Variants in MSH5 observed in about 807,000 individuals in gnomAD.
The protein encoded by MSH5 is mutS protein homolog 5.
MSH5 carries 78 observed loss-of-function variants against 107.7 expected under a neutral mutation model. The ratio of observed to expected loss-of-function variants is 0.72; its 90% CI spans 0.60 to 0.87. MSH5 has a LOEUF of 0.87. MSH5 is among the 40% of genes least tolerant of loss of function. The pLI is 0.00. For missense variants in MSH5, 889 were observed against 1,046.6 expected, an observed-to-expected ratio of 0.85 and a Z score of 2.08; for synonymous variants, 326 against 399.5, an observed-to-expected ratio of 0.82 and a Z score of 2.19.
At position 31,759,403 on chromosome 6, in the gene MSH5, A is replaced by G. The variant is rs1810756718; in HGVS notation, c.1408-22A>G. On this transcript the variant is annotated intron_variant, in intron 16 of 24. Coordinates refer to ENST00000375750, the MANE Select transcript of MSH5 (RefSeq NM_172166.4). The surrounding 1 kb of genome is among the most constrained non-coding windows in gnomAD (Gnocchi z 4.7). ...GAGGACCAAGAGATGCAAAGTCCAC[A>G]GCTTTGAACCCCTGTACCCAGTTTC... The G allele has an allele frequency of 1.2e-6, 2 of 1,611,368 alleles. No homozygotes were observed. Among genetic ancestry groups the G allele is most frequent in the Non-Finnish European group, 1.7e-6 (2 of 1,179,016 alleles).
In MSH5 at chr6:31,741,293, A is replaced by G. The variant is rs1470449306; in HGVS notation, c.271+7A>G. ...CTCAAGCTTCTCCAGAGAGGTGGGGATGGAACCATGAATTCCTCTGCTCTC... is the reference window on the plus strand; with the variant it reads ...CTCAAGCTTCTCCAGAGAGGTGGGGGTGGAACCATGAATTCCTCTGCTCTC... On this transcript the variant is annotated splice_region_variant and intron_variant, in intron 3 of 24. Transcript: ENST00000375750. 2 of 1,571,696 alleles carry G rather than the reference A, an allele frequency of 1.3e-6. No homozygotes were observed. Among genetic ancestry groups the G allele is most frequent in the Admixed American group, 1.7e-5 (1 of 58,594 alleles).
chr6:31,759,847 A>G lies in MSH5; in HGVS notation c.1557A>G (p.Leu519=), dbSNP rs750151795. The G allele has an allele frequency of 6.2e-7, 1 of 1,614,104 alleles. No homozygotes were observed. The highest frequency in any genetic ancestry group is 1.1e-5 in the South Asian group (1 of 91,092). Residue 519 remains leucine (L), a synonymous_variant, in exon 18 of 25, where the codon TTA becomes TTG. Transcript: ENST00000375750. The surrounding 1 kb of genome is among the most constrained non-coding windows in gnomAD (Gnocchi z 4.7). The part of the protein sequence containing the change: ...QCQVLARAAV[L]TRVLDLASRL... ...AGGTGCTGGCACGAGCAGCTGTCTT[A>G]ACCCGAGTATTGGACCTTGCCTCCC...
Position 31,745,248 on chromosome 6 carries a change from T to A in MSH5, c.695T>A (p.Ile232Asn). ...TTTCTCCTCGACAGTGTTCTACAGA[T>A]TTTTAAGAGTGAGTCTCACCCCTCA... ...IDQDTYSVLQ[I>N]FKSESHPSVY... is the part of the protein sequence containing the mutation. Residue 232 changes from isoleucine to asparagine, a missense_variant, in exon 9 of 25, where the codon ATT becomes AAT. Ile to Asn is a moderately radical substitution (Grantham distance 149, BLOSUM62 -3). This residue lies in a region of MSH5 where 518 missense variants were observed against 565.0 expected (regional missense o/e 0.92). Transcript: ENST00000375750. 6.2e-7 allele frequency: 1 copy of A among 1,612,124 alleles called. No homozygotes were observed. The highest frequency in any genetic ancestry group is 8.5e-7 in the Non-Finnish European group (1 of 1,178,226).
rs1810945699 is a variant in MSH5, at chr6:31,761,094, G to A, written c.1963-94G>A. The A allele has an allele frequency of 2.4e-6, 3 of 1,228,494 alleles. No homozygotes were observed. The highest frequency in any genetic ancestry group is 5.0e-5 in the East Asian group (2 of 39,884). 76.1% of individuals were successfully genotyped at this position (1,228,494 alleles called of 1,614,324 possible). A position where few individuals can be genotyped will look rare whatever the true frequency, so the allele number is the denominator to read the frequency against. On this transcript the variant is annotated intron_variant, in intron 20 of 24. Transcript: ENST00000375750. This position sits in a 1 kb window ranked among gnomAD's most constrained non-coding sequence, Gnocchi z 5.3. ...TCAAGAACTTGCAGTGCAGTAGGGA[G>A]GGCATGTATACAGCTTTATTCACAG...
In MSH5 at chr6:31,758,284, T is replaced by G. The variant is rs905227820; in HGVS notation, c.1134T>G (p.Ile378Met). 8.1e-6 allele frequency: 13 copies of G among 1,612,770 alleles called. No individual in the cohort carries two copies. Among genetic ancestry groups the G allele is most frequent in the Non-Finnish European group, 1.1e-5 (13 of 1,179,972 alleles). The change falls in exon 13 of 25, where the codon ATT becomes ATG. Residue 378 changes from isoleucine (I) to methionine (M), a missense_variant. Transcript: ENST00000375750. This position sits in a 1 kb window ranked among gnomAD's most constrained non-coding sequence, Gnocchi z 5.1. ...SDDLHHIASL[I>M]GKVVDFEGSL... ...ACCTGCACCATATCGCCAGCCTCAT[T>G]GGGAAAGTAGTGAGTAGAAGGAAAA...
intron 10 of MSH5, among the ~76,000 whole-genome samples, chr6:31,748,113 G>A (rs559101005): frequency 1.3e-5 from 2 of 152,164 alleles, no homozygotes; most frequent in Non-Finnish European, 2.9e-5. Flanking sequence ...TGTGTCTCTA[G>A]TTTTGAACTC....
At chr6:31,753,700 C>A in intron 12 of MSH5, 71 bp downstream of exon 12, 1 of 1,386,238 alleles carries the variant, frequency 7.2e-7, no homozygotes, top group Non-Finnish European at 1.0e-6. Flanking sequence ...ACTGTCTGTA[C>A]CCTAGACATG....
intron 4 of MSH5, 31 bp from the exon 5 acceptor site, chr6:31,743,077 G>C (rs1294631700): frequency 6.2e-7 from 1 of 1,612,762 alleles, no homozygotes; most frequent in Non-Finnish European, 8.5e-7. Context: ...GAGATGTAAA[G>C]AATGATAGCC....
intron 10 of MSH5, among the ~76,000 whole-genome samples, chr6:31,750,306 C>G (rs1043524644): frequency 6.6e-6 from 1 of 152,106 alleles, no homozygotes; most frequent in East Asian, 1.9e-4. Flanking sequence ...TGGTGGCTCA[C>G]GCCTATAATC....
At chr6:31,757,346 C>T (rs371932816) in intron 12 of MSH5, 1 of 151,522 alleles carries the variant, frequency 6.6e-6, no homozygotes, top group Admixed American at 6.6e-5. Flanking sequence ...GGGTTTCACC[C>T]TCTTAACCAG....
intron 10 of MSH5, among the ~76,000 whole-genome samples, chr6:31,751,206 C>A (rs1168474677): frequency 6.6e-6 from 1 of 152,120 alleles, no homozygotes; most frequent in Non-Finnish European, 1.5e-5. Flanking sequence ...CCGCGTTAGC[C>A]AGGATGGTCT....
intron 23 of MSH5, 53 bp downstream of exon 23, chr6:31,762,008 C>T: frequency 6.2e-7 from 1 of 1,613,092 alleles, no homozygotes; most frequent in Non-Finnish European, 8.5e-7. Context: ...CCTTTCATTC[C>T]TAGTCCTACT....
chr6:31,747,453 C>T (rs764745758), intron 10 of MSH5, 21 bp downstream of exon 10: 64 of 1,610,966 alleles, frequency 4.0e-5, no homozygotes, highest in Non-Finnish European at 4.2e-5. Context: ...CCCACACATA[C>T]TACACACTAA....
chr6:31,754,352 G>A (rs1371833008), intron 12 of MSH5, among the ~76,000 whole-genome samples: 2 of 152,012 alleles, frequency 1.3e-5, no homozygotes, highest in Non-Finnish European at 2.9e-5. Flanking sequence ...ATTTCACCAT[G>A]TTGGCCAGGC....
intron 10 of MSH5, among the ~76,000 whole-genome samples, chr6:31,748,590 C>G (rs1460548075): frequency 1.3e-5 from 2 of 152,034 alleles, no homozygotes; most frequent in African/African-American, 4.8e-5. Flanking sequence ...GATCCGCCCA[C>G]CTCGGCCTCC....
chr6:31,760,924 C>A lies in MSH5; in HGVS notation c.1962+85C>A. On this transcript the variant is annotated intron_variant, in intron 20 of 24. Transcript: ENST00000375750. The surrounding 1 kb of genome is among the most constrained non-coding windows in gnomAD (Gnocchi z 5.6). ...AAAATGCTCATAACAGGAAAGCATG[C>A]CCTCTGCTGCATGCCCTTTATACTA... 2 of 1,447,054 alleles carry A rather than the reference C, an allele frequency of 1.4e-6. No homozygotes were observed. The highest frequency in any genetic ancestry group is 1.3e-5 in the South Asian group (1 of 76,920). 89.6% of individuals were successfully genotyped at this position (1,447,054 alleles called of 1,614,324 possible).
At chr6:31,748,105 T>C (rs3130484) in intron 10 of MSH5, among the ~76,000 whole-genome samples, 11,664 of 152,184 alleles carry the variant, frequency 0.077, 561 homozygotes, top group Non-Finnish European at 0.11. Context: ...CTCAAATTTG[T>C]GTCTCTAGTT....
At chr6:31,754,838 G>A (rs1344243127) in intron 12 of MSH5, among the ~76,000 whole-genome samples, 54 of 140,886 alleles carry the variant, frequency 3.8e-4, no homozygotes, top group Non-Finnish European at 7.4e-4. Flanking sequence ...TGCAACCTCC[G>A]CCTCCCAGGT....
chr6:31,761,206 A>G lies in MSH5; in HGVS notation c.1981A>G (p.Asn661Asp). 2 of 1,613,990 alleles carry G rather than the reference A, an allele frequency of 1.2e-6. No homozygotes were observed. The highest frequency in any genetic ancestry group is 1.7e-6 in the Non-Finnish European group (2 of 1,180,018). ...CCAGCAGGTGGCGAAAGCAGTGAAC[A>G]ATGCCACTGCACAGTCGCTGGTCCT... ...DLNQVAKAVN[N>D]ATAQSLVLID... The change falls in exon 21 of 25, where the codon AAT becomes GAT. Residue 661 changes from asparagine to aspartate, a missense_variant. Asn to Asp is a conservative substitution (Grantham distance 23, BLOSUM62 1). Transcript: ENST00000375750. The surrounding 1 kb of genome is among the most constrained non-coding windows in gnomAD (Gnocchi z 5.3).
Sources: allele counts gnomAD v4.1 joint callset (sites outside exome capture counted in the v4.1 genomes callset), GRCh38; gene constraint gnomAD v4.1.1; regional missense constraint gnomAD v4.1.1; non-coding constraint Gnocchi (gnomAD v3.1); transcripts MANE v1.5; gene names NCBI Gene and HGNC (gene_info 2026-07-23, HGNC 2026-07-21).